Variants in PCSK5 observed in about 807,000 individuals in gnomAD.
PCSK5 encodes proprotein convertase subtilisin/kexin type 5.
PCSK5 carries 129 observed loss-of-function variants against 233.2 expected under a neutral mutation model. The observed-to-expected ratio is 0.55, with a 90% confidence interval of 0.48 to 0.64. PCSK5 has a LOEUF of 0.64. PCSK5 is among the 30% of genes least tolerant of loss of function. The pLI, the probability that PCSK5 is intolerant of heterozygous loss-of-function variation, is 0.00. For missense variants in PCSK5, 2,076 were observed against 2,430.1 expected, an observed-to-expected ratio of 0.85 and a Z score of 3.06; for synonymous variants, 825 against 879.2, an observed-to-expected ratio of 0.94 and a Z score of 1.09.
chr9:75,916,880 GA>G lies in PCSK5; in HGVS notation c.193-15495del, dbSNP rs768372738. 8.5e-5 allele frequency among the ~76,000 whole-genome samples: 13 copies of G among 152,240 alleles called. No individual in the cohort carries two copies. In the South Asian group the frequency reaches 2.7e-3, roughly 32 times the overall value. Reference sequence around the variant, plus strand: ...GTAAGGGAAAGCTCTTTAAAGATGGGAAAAGCAGGGCCAGGCGAGGTGGCTC... The same window carrying G: ...GTAAGGGAAAGCTCTTTAAAGATGGGAAAGCAGGGCCAGGCGAGGTGGCTC... On this transcript the variant is annotated intron_variant, in intron 1 of 37. Coordinates refer to ENST00000674117, the MANE Select transcript of PCSK5 (RefSeq NM_001372043.1).
chr9:76,107,818 C>A (rs1293987892), intron 9 of PCSK5, among the ~76,000 whole-genome samples: 1 of 152,164 alleles, frequency 6.6e-6, no homozygotes, highest in Non-Finnish European at 1.5e-5. Context: ...TATATCAAAT[C>A]CTGTTCAGTA....
At chr9:75,900,690 AAAAAC>A (rs1470446944) in intron 1 of PCSK5, among the ~76,000 whole-genome samples, 10 of 148,512 alleles carry the variant, frequency 6.7e-5, no homozygotes, top group Admixed American at 1.3e-4. Context: ...AAAAAAAAAA[AAAAAC>A]AAACAACTTT....
chr9:76,248,112 A>T (rs1350877133), intron 24 of PCSK5, among the ~76,000 whole-genome samples: 2 of 151,982 alleles, frequency 1.3e-5, no homozygotes, highest in Non-Finnish European at 2.9e-5. Context: ...ATTTTTTTTT[A>T]AGAGATGGGG....
chr9:76,100,582 A>G (rs1242654720), intron 8 of PCSK5, among the ~76,000 whole-genome samples: 1 of 152,234 alleles, frequency 6.6e-6, no homozygotes, highest in African/African-American at 2.4e-5. Context: ...CCCCAAACTC[A>G]TCTTGTAGCC....
At chr9:76,120,393 G>A (rs1316173296) in intron 9 of PCSK5, among the ~76,000 whole-genome samples, 2 of 151,984 alleles carry the variant, frequency 1.3e-5, no homozygotes, top group East Asian at 3.8e-4. Context: ...AATCCCAGTG[G>A]CAATTTATAA....
chr9:76,282,619 A>G (rs1827918782), intron 24 of PCSK5, among the ~76,000 whole-genome samples: 1 of 151,980 alleles, frequency 6.6e-6, no homozygotes, highest in Non-Finnish European at 1.5e-5. Flanking sequence ...CACCCATCTT[A>G]TGTTTTTATA....
At chr9:75,976,972 ACTTGG>A (rs1826050917) in intron 2 of PCSK5, among the ~76,000 whole-genome samples, 1 of 151,976 alleles carries the variant, frequency 6.6e-6, no homozygotes, top group African/African-American at 2.4e-5. Context: ...TTGATTATGG[ACTTGG>A]CATTGACCAT....
intron 33 of PCSK5, among the ~76,000 whole-genome samples, chr9:76,330,988 A>C (rs1829517168): frequency 6.6e-6 from 1 of 152,096 alleles, no homozygotes; most frequent in Admixed American, 6.6e-5. Flanking sequence ...TTGCCTCCAC[A>C]AAGTGGTCTT....
rs1829563533 is a variant in PCSK5 at position 76,332,461 on chromosome 9, G to A, written c.4599G>A (p.Glu1533=). The change falls in exon 34 of 38, where the codon GAG becomes GAA. Residue 1533 remains glutamate (E), a synonymous_variant. Transcript: ENST00000674117. ...CAACCTGTGTGAAGGACTGCCCAGA[G>A]GGCTATTATGCCGATGAGGACAGCA... is the stretch of plus-strand genomic sequence containing the variant. ...LNTTCVKDCP[E]GYYADEDSNR... 1.2e-6 allele frequency: 2 copies of A among 1,612,550 alleles called. No homozygotes were observed. Among genetic ancestry groups the A allele is most frequent in the Non-Finnish European group, 8.5e-7 (1 of 1,179,750 alleles).
At chr9:75,893,165 T>C (rs977161607) in intron 1 of PCSK5, among the ~76,000 whole-genome samples, 5 of 152,174 alleles carry the variant, frequency 3.3e-5, no homozygotes, top group Admixed American at 1.3e-4. Flanking sequence ...ATTGAACATC[T>C]CACACATGAC....
intron 13 of PCSK5, among the ~76,000 whole-genome samples, chr9:76,171,839 CAT>C (rs1823344755): frequency 6.6e-6 from 1 of 152,076 alleles, no homozygotes; most frequent in Non-Finnish European, 1.5e-5. Flanking sequence ...TTAATAGAAA[CAT>C]ATAGTCTTTG....
In PCSK5 at chr9:76,177,319, A is replaced by G. The variant is rs183431037; in HGVS notation, c.1900+2190A>G. ...AAAAAAAAGAAAAGAAAAGAAAAAA[A>G]AGAACTATAAATACAAGTTTAATGT... On this transcript the variant is annotated intron_variant, in intron 14 of 37. Coordinates refer to ENST00000674117, the MANE Select transcript of PCSK5 (RefSeq NM_001372043.1). Among the ~76,000 whole-genome samples, 8 of 152,304 alleles carry G rather than the reference A, an allele frequency of 5.3e-5. No individual in the cohort carries two copies. In the East Asian group the frequency reaches 1.2e-3, roughly 22 times the overall value.
At chr9:75,946,512 C>T (rs552362773) in intron 2 of PCSK5, among the ~76,000 whole-genome samples, 1 of 152,244 alleles carries the variant, frequency 6.6e-6, no homozygotes, top group Non-Finnish European at 1.5e-5. Flanking sequence ...GTCCATGTTG[C>T]CATCATATTG....
intron 5 of PCSK5, among the ~76,000 whole-genome samples, chr9:76,029,407 C>A (rs1253299738): frequency 6.6e-6 from 1 of 152,148 alleles, no homozygotes; most frequent in South Asian, 2.1e-4. Context: ...AAACAACTAA[C>A]AACAGGTGTA....
chr9:76,024,908 G>T (rs764014427), intron 4 of PCSK5, among the ~76,000 whole-genome samples: 1 of 152,092 alleles, frequency 6.6e-6, no homozygotes. Flanking sequence ...TGGAGATACT[G>T]TTTCTTCATA....
intron 24 of PCSK5, among the ~76,000 whole-genome samples, chr9:76,272,354 T>C (rs1827540997): frequency 6.6e-6 from 1 of 151,992 alleles, no homozygotes; most frequent in Non-Finnish European, 1.5e-5. Context: ...CTGATTCCAG[T>C]CTTCTTCTAT....
intron 1 of PCSK5, among the ~76,000 whole-genome samples, chr9:75,923,314 A>G (rs1366141465): frequency 6.6e-6 from 1 of 152,014 alleles, no homozygotes; most frequent in Admixed American, 6.5e-5. Flanking sequence ...GAAAGCATTC[A>G]GGAAGTGGGA....
intron 1 of PCSK5, among the ~76,000 whole-genome samples, chr9:75,926,564 T>G (rs894202033): frequency 2.6e-5 from 4 of 152,180 alleles, no homozygotes; most frequent in African/African-American, 9.7e-5. Flanking sequence ...ATGCAAAACA[T>G]TCTCAGCATG....
At chr9:76,038,204 C>G (rs975559446) in intron 5 of PCSK5, among the ~76,000 whole-genome samples, 1 of 152,182 alleles carries the variant, frequency 6.6e-6, no homozygotes, top group African/African-American at 2.4e-5. Flanking sequence ...CTCATTTTCT[C>G]TCCAACCCTT....
Sources: gnomAD v4.1 joint callset for allele counts (sites outside exome capture counted in the v4.1 genomes callset) on GRCh38, gnomAD v4.1.1 for gene constraint, MANE v1.5 for transcripts, NCBI Gene and HGNC (gene_info 2026-07-23, HGNC 2026-07-21) for gene names.